LRRC72: variants seen among roughly 807,000 people sequenced by gnomAD.
LRRC72 encodes leucine rich repeat containing 72, also known as leucine-rich repeat-containing protein 72.
In LRRC72, 41 loss-of-function variants were observed where a neutral mutation model predicts 35.8. The ratio of observed to expected loss-of-function variants is 1.15; its 90% confidence interval spans 0.89 to 1.49. The LOEUF (loss-of-function observed/expected upper bound fraction) is 1.49. Among genes scored for constraint, LRRC72 ranks in the 40% most tolerant of loss-of-function variants. LRRC72 has a pLI of 0.00. For missense variants in LRRC72, 389 were observed against 330.7 expected (o/e 1.18, Z -1.37); for synonymous variants, 118 against 119.2 (o/e 0.99, Z 0.07).
chr7:16,568,207 G>A (rs889378694), intron 7 of LRRC72, among the ~76,000 whole-genome samples: 2 of 152,154 alleles, frequency 1.3e-5, no homozygotes, highest in Non-Finnish European at 2.9e-5. Context: ...CTTTTGTTCT[G>A]CTACTCTTAG....
chr7:16,553,123 C>A (rs116645150), intron 3 of LRRC72, among the ~76,000 whole-genome samples: 5 of 152,126 alleles, frequency 3.3e-5, no homozygotes, highest in African/African-American at 9.7e-5. Context: ...ATTTTAGACA[C>A]CTTTTGGGGC....
chr7:16,545,591 A>C (rs1376400857), intron 3 of LRRC72, among the ~76,000 whole-genome samples: 1 of 152,198 alleles, frequency 6.6e-6, no homozygotes, highest in African/African-American at 2.4e-5. Flanking sequence ...TGTAGAATGT[A>C]AGAGCTATTA....
At chr7:16,562,876 CT>C (rs1360934144) in intron 5 of LRRC72, among the ~76,000 whole-genome samples, 1 of 152,206 alleles carries the variant, frequency 6.6e-6, no homozygotes, top group African/African-American at 2.4e-5. Flanking sequence ...TCTCTCGATC[CT>C]CTGCTTTATC....
chr7:16,578,887 C>T (rs1461951438), intron 7 of LRRC72, among the ~76,000 whole-genome samples: 2 of 152,002 alleles, frequency 1.3e-5, no homozygotes, highest in Admixed American at 6.6e-5. Flanking sequence ...CTGCATGATC[C>T]CACTTATATA....
intron 1 of LRRC72, among the ~76,000 whole-genome samples, chr7:16,528,646 C>G (rs1456717982): frequency 6.6e-6 from 1 of 152,294 alleles, no homozygotes; most frequent in East Asian, 1.9e-4. Flanking sequence ...ACTTTGTTTC[C>G]CAGAGGCAGT....
At chr7:16,532,320 CA>C (rs1782180829) in intron 1 of LRRC72, among the ~76,000 whole-genome samples, 174 bp from the exon 2 acceptor site, 3 of 152,080 alleles carry the variant, frequency 2.0e-5, no homozygotes. Flanking sequence ...AATTCAACCA[CA>C]AAAATGAGTA....
At chr7:16,532,474 A>G (rs766056420) in intron 1 of LRRC72, 21 bp from the exon 2 acceptor site, 11 of 1,532,116 alleles carry the variant, frequency 7.2e-6, no homozygotes, top group South Asian at 2.4e-5. Context: ...GTAGTTTGAC[A>G]GATTAATTAT....
intron 5 of LRRC72, among the ~76,000 whole-genome samples, chr7:16,563,707 G>C (rs34340718): frequency 0.053 from 8,094 of 152,226 alleles, 331 homozygotes; most frequent in Non-Finnish European, 0.087. Flanking sequence ...AAAAAATAGA[G>C]TTAAAAATAT....
intron 7 of LRRC72, among the ~76,000 whole-genome samples, chr7:16,575,352 C>A (rs1031195446): frequency 1.3e-5 from 2 of 152,142 alleles, no homozygotes; most frequent in African/African-American, 4.8e-5. Context: ...CCAATTCTTG[C>A]CCCAAACCAG....
intron 5 of LRRC72, among the ~76,000 whole-genome samples, chr7:16,563,961 TG>T (rs1782784631): frequency 6.6e-6 from 1 of 152,180 alleles, no homozygotes. Flanking sequence ...AATCCAAGTT[TG>T]GTGTTTTATT....
In LRRC72 at chr7:16,564,946, T is replaced by A. The variant is rs79902238; in HGVS notation, c.428-1367T>A. Reference sequence around the variant, plus strand: ...TCTAATGCTTACTATTTTCATGCCTTTATCAAACCTGTATTTTATGAATAG... The same window carrying A: ...TCTAATGCTTACTATTTTCATGCCTATATCAAACCTGTATTTTATGAATAG... On this transcript the variant is annotated intron_variant, in intron 5 of 8. Coordinates refer to ENST00000401542, the MANE Select transcript of LRRC72 (RefSeq NM_001195280.2). Among the ~76,000 whole-genome samples, 977 of 152,322 alleles carry A rather than the reference T, an allele frequency of 6.4e-3. 6 individuals are homozygous for A. Among genetic ancestry groups the A allele is most frequent in the African/African-American group, 0.022 (919 of 41,574 alleles).
At chr7:16,571,583 T>C (rs1211641896) in intron 7 of LRRC72, among the ~76,000 whole-genome samples, 1 of 152,054 alleles carries the variant, frequency 6.6e-6, no homozygotes, top group African/African-American at 2.4e-5. Flanking sequence ...ACCCGGGAAG[T>C]GCAAAGGGTT....
At position 16,551,529 on chromosome 7, in the gene LRRC72, G is replaced by T. The variant is rs572699957; in HGVS notation, c.235-5831G>T. Reference sequence around the variant, plus strand: ...TCCTGGAAGCCCTACTTCTGGGAGGGGAGAGGGCCTGAAGGTTAAATTGAT... The same window carrying T: ...TCCTGGAAGCCCTACTTCTGGGAGGTGAGAGGGCCTGAAGGTTAAATTGAT... On this transcript the variant is annotated intron_variant, in intron 3 of 8. Coordinates refer to ENST00000401542, the MANE Select transcript of LRRC72 (RefSeq NM_001195280.2). Among the ~76,000 whole-genome samples the T allele has an allele frequency of 3.9e-5, 6 of 152,212 alleles. No individual in the cohort carries two copies. The East Asian group carries it at 1.2e-3, about 29-fold the overall frequency.
chr7:16,565,143 CG>C (rs1408646363), intron 5 of LRRC72, among the ~76,000 whole-genome samples: 2 of 152,058 alleles, frequency 1.3e-5, no homozygotes, highest in African/African-American at 4.8e-5. Flanking sequence ...AGGTGGAATC[CG>C]AATAACTAAA....
At chr7:16,537,718 C>G (rs1167390694) in intron 3 of LRRC72, 22 bp downstream of exon 3, 1 of 1,256,680 alleles carries the variant, frequency 8.0e-7, no homozygotes, top group South Asian at 1.5e-5. Context: ...TTTTATCTTT[C>G]AATTACTAAA....
chr7:16,557,403 A>T lies in LRRC72; in HGVS notation c.278A>T (p.Glu93Val). 7.5e-7 allele frequency: 1 copy of T among 1,336,522 alleles called. No homozygotes were observed. The highest frequency in any genetic ancestry group is 9.8e-7 in the Non-Finnish European group (1 of 1,017,742). The allele number at this position is 1,336,522 out of a possible 1,614,324, so 82.8% of individuals were successfully genotyped here. ...TFLTRNYCLT[E>V]LYLNNNAIFE... ...CTAACTAGAAACTATTGTCTGACAGAACTATATCTAAACAACAATGCAATA... is the reference window on the plus strand; with the variant it reads ...CTAACTAGAAACTATTGTCTGACAGTACTATATCTAAACAACAATGCAATA... The change falls in exon 4 of 9, where the codon GAA (glutamate) becomes GTA (valine). Residue 93 changes from glutamate to valine, a missense_variant. Physicochemically the swap from Glu to Val is moderately radical, Grantham distance 121 (BLOSUM62 -2). Transcript: ENST00000401542.
At chr7:16,554,269 G>A (rs1782610291) in intron 3 of LRRC72, among the ~76,000 whole-genome samples, 1 of 152,236 alleles carries the variant, frequency 6.6e-6, no homozygotes, top group African/African-American at 2.4e-5. Context: ...GGTGGAGGTT[G>A]CAGTGAGCAG....
chr7:16,553,278 A>G (rs1237256375), intron 3 of LRRC72, among the ~76,000 whole-genome samples: 1 of 152,198 alleles, frequency 6.6e-6, no homozygotes, highest in Admixed American at 6.5e-5. Flanking sequence ...GAGCTCAGTT[A>G]TGATGTAATA....
intron 3 of LRRC72, among the ~76,000 whole-genome samples, chr7:16,544,874 A>C (rs1230789320): frequency 6.6e-6 from 1 of 152,264 alleles, no homozygotes; most frequent in East Asian, 1.9e-4. Context: ...CTGTGCAGCA[A>C]AAACCAATGG....
Sources: allele counts gnomAD v4.1 joint callset (sites outside exome capture counted in the v4.1 genomes callset), GRCh38; gene constraint gnomAD v4.1.1; transcripts MANE v1.5; gene names NCBI Gene and HGNC (gene_info 2026-07-23, HGNC 2026-07-21).